Variants in STK3 observed in about 807,000 individuals in gnomAD.
STK3 encodes the protein serine/threonine kinase 3.
Under a neutral mutation model 58.0 loss-of-function variants are expected in STK3, and 41 were observed. The ratio of observed to expected loss-of-function variants is 0.71; its 90% CI spans 0.55 to 0.92. STK3 has a LOEUF of 0.92. Among genes scored for constraint, STK3 ranks in the 40% least tolerant of loss-of-function variants. The pLI, the probability that STK3 is intolerant of heterozygous loss-of-function variation, is 0.00. For missense variants in STK3, 479 were observed against 602.7 expected, an observed-to-expected ratio of 0.79 and a Z score of 2.15; for synonymous variants, 170 against 191.0, an observed-to-expected ratio of 0.89 and a Z score of 0.91.
At chr8:98,542,365 G>A (rs1395964067) in intron 9 of STK3, among the ~76,000 whole-genome samples, 1 of 152,146 alleles carries the variant, frequency 6.6e-6, no homozygotes, top group African/African-American at 2.4e-5. Context: ...CTCTCGGTCA[G>A]GAGATGCCAA....
chr8:98,816,946 G>A (rs1327754890), intron 1 of STK3, among the ~76,000 whole-genome samples: 5 of 152,144 alleles, frequency 3.3e-5, no homozygotes, highest in Admixed American at 3.3e-4. Context: ...AGGCCACTGT[G>A]ATCTATTTCT....
intron 10 of STK3, among the ~76,000 whole-genome samples, chr8:98,463,828 A>T (rs914943763): frequency 1.1e-4 from 17 of 152,320 alleles, no homozygotes; most frequent in African/African-American, 4.1e-4. Context: ...CGGGAATATG[A>T]AGGTTTTGAA....
chr8:98,699,312 C>T (rs997370887), intron 6 of STK3, among the ~76,000 whole-genome samples: 1 of 152,132 alleles, frequency 6.6e-6, no homozygotes, highest in Non-Finnish European at 1.5e-5. Context: ...TTTGAATTTC[C>T]TCCTGTAGCT....
At chr8:98,784,347 T>C (rs1465915156) in intron 1 of STK3, among the ~76,000 whole-genome samples, 17 of 152,214 alleles carry the variant, frequency 1.1e-4, no homozygotes, top group Non-Finnish European at 1.6e-4. Context: ...TCTCCTCCAC[T>C]GCAGGTCAAG....
chr8:98,392,557 G>A (rs923443876), upstream of STK3, among the ~76,000 whole-genome samples: 11 of 152,208 alleles, frequency 7.2e-5, no homozygotes, highest in Non-Finnish European at 1.6e-4. Context: ...GGGACCCCAT[G>A]CCCTAGGAAC....
chr8:98,635,594 T>A (rs1320055258), intron 6 of STK3, among the ~76,000 whole-genome samples: 1 of 152,178 alleles, frequency 6.6e-6, no homozygotes, highest in Non-Finnish European at 1.5e-5. Context: ...TGAAGACAAC[T>A]ATTTTCTAGT....
At chr8:98,376,511 T>C (rs906029352) in intron 2 of STK3, among the ~76,000 whole-genome samples, 10 of 88,536 alleles carry the variant, frequency 1.1e-4, no homozygotes, top group Middle Eastern at 5.7e-3. Context: ...GTCGCATAGA[T>C]TTTTTCCTAT....
chr8:98,767,090 C>T (rs1212140909), intron 3 of STK3, among the ~76,000 whole-genome samples, 153 bp downstream of exon 3: 1 of 152,070 alleles, frequency 6.6e-6, no homozygotes, highest in East Asian at 1.9e-4. Flanking sequence ...CATTGCACTC[C>T]AGCCTGGGCA....
chr8:98,633,599 A>G, intron 6 of STK3: 1 of 745,202 alleles, frequency 1.3e-6, no homozygotes, highest in Non-Finnish European at 2.5e-6. Context: ...CAGCAGTCTC[A>G]GTCCATTTGC....
intron 1 of STK3, among the ~76,000 whole-genome samples, chr8:98,887,053 T>C (rs1338531096): frequency 6.6e-6 from 1 of 151,988 alleles, no homozygotes; most frequent in Non-Finnish European, 1.5e-5. Flanking sequence ...GCCAAGATCA[T>C]ACCATTGCAC....
intron 6 of STK3, among the ~76,000 whole-genome samples, chr8:98,686,773 G>T (rs1263521043): frequency 1.3e-5 from 2 of 152,180 alleles, no homozygotes; most frequent in Middle Eastern, 3.4e-3. Flanking sequence ...TTTACTAGAG[G>T]AATCTCAAAA....
In STK3 at chr8:98,800,259, C is replaced by T. The variant is rs1156250540; in HGVS notation, c.26+25256G>A. 2.0e-5 allele frequency among the ~76,000 whole-genome samples: 3 copies of T among 152,200 alleles called. No homozygotes were observed. The highest frequency in any genetic ancestry group is 3.9e-4 in the East Asian group (2 of 5,188). The stretch of plus-strand genomic sequence containing the variant: ...CAACTTCTACCGAGGACCCCTGGAC[C>T]GACCTGCTGGCACTTTCAATGGCCT... On this transcript the variant is annotated intron_variant, in intron 1 of 10. Transcript: ENST00000419617. The surrounding 1 kb of genome is among the most constrained non-coding windows in gnomAD (Gnocchi z 4.8).
chr8:98,448,509 G>A (rs1015522442), intron 1 of STK3, among the ~76,000 whole-genome samples: 3 of 152,148 alleles, frequency 2.0e-5, no homozygotes, highest in Non-Finnish European at 2.9e-5. Context: ...AAATGCGCAG[G>A]TGCAGGAGTG....
chr8:98,474,980 T>G (rs1247002441), intron 10 of STK3, among the ~76,000 whole-genome samples: 1 of 152,204 alleles, frequency 6.6e-6, no homozygotes, highest in Non-Finnish European at 1.5e-5. Context: ...CCATCTTACA[T>G]GGCAACAACC....
chr8:98,807,447 G>T (rs1833956919), intron 1 of STK3, among the ~76,000 whole-genome samples: 1 of 152,034 alleles, frequency 6.6e-6, no homozygotes, highest in South Asian at 2.1e-4. Flanking sequence ...TAGTAGGGAT[G>T]GGGTTTCGCC....
At chr8:98,942,311 A>G (rs1038643553) in intron 1 of STK3, 4 of 152,322 alleles carry the variant, frequency 2.6e-5, no homozygotes, top group African/African-American at 9.7e-5. Flanking sequence ...CAGGGCCAGC[A>G]GGCGGCCTAG....
At chr8:98,783,025 G>C (rs1201424351) in intron 1 of STK3, among the ~76,000 whole-genome samples, 1 of 143,198 alleles carries the variant, frequency 7.0e-6, no homozygotes, top group East Asian at 2.0e-4. Flanking sequence ...GAAGGAGAGG[G>C]AGAGAGAGAG....
intron 3 of STK3, among the ~76,000 whole-genome samples, chr8:98,834,086 T>A (rs1835655141): frequency 6.6e-6 from 1 of 152,224 alleles, no homozygotes; most frequent in Non-Finnish European, 1.5e-5. Flanking sequence ...TATGTATTCA[T>A]CTCTTAAAAC....
intron 1 of STK3, among the ~76,000 whole-genome samples, chr8:98,804,559 CTTT>C (rs1230615097): frequency 6.6e-6 from 1 of 152,108 alleles, no homozygotes; most frequent in Non-Finnish European, 1.5e-5. Context: ...CAATAGTCAC[CTTT>C]TTTAAGGTAG....
Sources: gnomAD v4.1 joint callset for allele counts (sites outside exome capture counted in the v4.1 genomes callset) on GRCh38, gnomAD v4.1.1 for gene constraint, Gnocchi (gnomAD v3.1) non-coding constraint, MANE v1.5 for transcripts, NCBI Gene and HGNC (gene_info 2026-07-23, HGNC 2026-07-21) for gene names.